The following KLHL41 variants were observed in gnomAD, a reference collection of about 807,000 sequenced individuals.
KLHL41 encodes kelch like family member 41, also known as kelch-like protein 41.
A neutral mutation model predicts 49.2 loss-of-function variants in KLHL41; 31 were observed. The ratio of observed to expected loss-of-function variants is 0.63; its 90% CI spans 0.47 to 0.85. The LOEUF is 0.85. Among genes scored for constraint, KLHL41 ranks in the 40% least tolerant of loss-of-function variants. The pLI, the probability that KLHL41 is intolerant of heterozygous loss-of-function variation, is 0.00. For synonymous variants in KLHL41, 218 were observed against 258.5 expected, an observed-to-expected ratio of 0.84 and a Z score of 1.50; for missense variants, 663 against 726.7, an observed-to-expected ratio of 0.91 and a Z score of 1.01.
At chr2:169,514,349 C>A (rs959478507) in intron 1 of KLHL41, 2 of 407,162 alleles carry the variant, frequency 4.9e-6, no homozygotes, top group Non-Finnish European at 8.6e-6. Flanking sequence ...TTTCTTGAAG[C>A]CTTGAAGATT....
In KLHL41 at chr2:169,510,190, A is replaced by G. The variant is rs768526642; in HGVS notation, c.412A>G (p.Ile138Val). 1 of 1,614,084 alleles carries G rather than the reference A, an allele frequency of 6.2e-7. No homozygotes were observed. The highest frequency in any genetic ancestry group is 1.1e-5 in the South Asian group (1 of 91,080). ...KRLAPGNCLA[I>V]LRLGLLLDCP... The stretch of plus-strand genomic sequence containing the variant: ...ACTTGCTCCTGGTAACTGTCTAGCC[A>G]TCCTAAGATTAGGACTTCTTCTTGA... Residue 138 changes from isoleucine (I) to valine (V), a missense_variant, in exon 1 of 6, where the codon ATC becomes GTC. Coordinates refer to ENST00000284669, the MANE Select transcript of KLHL41 (RefSeq NM_006063.3). This position sits in a 1 kb window ranked among gnomAD's most constrained non-coding sequence, Gnocchi z 4.2.
chr2:169,519,033 T>G (rs1353571742), intron 4 of KLHL41, among the ~76,000 whole-genome samples: 1 of 152,204 alleles, frequency 6.6e-6, no homozygotes, highest in Non-Finnish European at 1.5e-5. Context: ...ATCATTTGAT[T>G]TTAAATGTAG....
intron 3 of KLHL41, among the ~76,000 whole-genome samples, chr2:169,515,952 A>G (rs1206159829): frequency 6.6e-6 from 1 of 152,236 alleles, no homozygotes; most frequent in East Asian, 1.9e-4. Flanking sequence ...CTTGATTTCC[A>G]GTCAATTCTT....
At chr2:169,521,381 T>A (rs1684200984) in intron 5 of KLHL41, among the ~76,000 whole-genome samples, 2 of 152,050 alleles carry the variant, frequency 1.3e-5, no homozygotes, top group African/African-American at 2.4e-5. Flanking sequence ...CTAAAAAAAA[T>A]TTTATGTTTT....
At chr2:169,515,738 C>T (rs1439677861) in intron 3 of KLHL41, among the ~76,000 whole-genome samples, 1 of 151,926 alleles carries the variant, frequency 6.6e-6, no homozygotes, top group African/African-American at 2.4e-5. Flanking sequence ...GAAAGAAAAG[C>T]GTGGTGATTG....
intron 1 of KLHL41, among the ~76,000 whole-genome samples, chr2:169,511,161 T>C (rs1684025060): frequency 1.3e-5 from 2 of 152,248 alleles, no homozygotes; most frequent in South Asian, 4.1e-4. Flanking sequence ...AATGCCTTGT[T>C]TATAGATGAT....
At chr2:169,515,294 A>G (rs1281560089) in intron 3 of KLHL41, among the ~76,000 whole-genome samples, 1 of 151,762 alleles carries the variant, frequency 6.6e-6, no homozygotes, top group African/African-American at 2.4e-5. Context: ...CAGCCTCCCA[A>G]AGTGCTAGGA....
chr2:169,514,877 A>T lies in KLHL41; in HGVS notation c.1292A>T (p.Lys431Ile), dbSNP rs1423201331. 1 of 1,609,758 alleles carries T rather than the reference A, an allele frequency of 6.2e-7. No homozygotes were observed. Among genetic ancestry groups the T allele is most frequent in the African/African-American group, 1.3e-5 (1 of 74,696 alleles). Reference protein sequence around the residue: ...DPVAAKWNEVKKLPIKVYGHN... With the variant: ...DPVAAKWNEVIKLPIKVYGHN... Reference sequence around the variant, plus strand: ...AGGGCTGCAAAATGGAACGAAGTAAAAAAACTCCCTATCAAAGTCTATGGC... The same window carrying T: ...AGGGCTGCAAAATGGAACGAAGTAATAAAACTCCCTATCAAAGTCTATGGC... The change falls in exon 3 of 6, where the codon AAA becomes ATA. Residue 431 changes from lysine (K) to isoleucine (I), a missense_variant. Lys to Ile is a moderately radical substitution (Grantham distance 102). Around this residue, in one of 3 missense-constraint regions of KLHL41, gnomAD observed 528 missense variants for 581.0 expected, o/e 0.91. Transcript: ENST00000284669.
chr2:169,510,458 T>C lies in KLHL41; in HGVS notation c.680T>C (p.Met227Thr), dbSNP rs1376838518. 1.2e-6 allele frequency: 2 copies of C among 1,613,956 alleles called. No individual in the cohort carries two copies. Among genetic ancestry groups the C allele is most frequent in the African/African-American group, 2.7e-5 (2 of 74,906 alleles). Reference sequence around the variant, plus strand: ...TTTGATTGTATCCGTTTTCGCCTTATGACAGAAAAATATTTTAAGGATCAT... The same window carrying C: ...TTTGATTGTATCCGTTTTCGCCTTACGACAGAAAAATATTTTAAGGATCAT... The part of the protein sequence containing the change: ...EVFDCIRFRL[M>T]TEKYFKDHVE... The change falls in exon 1 of 6, where the codon ATG becomes ACG. Residue 227 changes from methionine to threonine, a missense_variant. Transcript: ENST00000284669. The surrounding 1 kb of genome is among the most constrained non-coding windows in gnomAD (Gnocchi z 4.2).
Position 169,514,520 on chromosome 2 carries a change from A to T in KLHL41, c.1111-54A>T. The T allele has an allele frequency of 7.4e-6, 11 of 1,478,730 alleles. No homozygotes were observed. In the Admixed American group the frequency reaches 1.0e-4, roughly 13 times the overall value. The allele number at this position is 1,478,730 out of a possible 1,614,324, so 91.6% of individuals were successfully genotyped here. On this transcript the variant is annotated intron_variant, in intron 1 of 5. Transcript: ENST00000284669. ...TATAAAGTATAACTTTTTTTGGTGT[A>T]CTTCTAATTTTTTTCTAACAGGCTC...
chr2:169,513,127 A>G (rs1684055997), intron 1 of KLHL41, among the ~76,000 whole-genome samples: 1 of 152,212 alleles, frequency 6.6e-6, no homozygotes. Flanking sequence ...GCAGTACTGT[A>G]CAGTATGAGA....
chr2:169,519,640 A>G (rs561311749), intron 4 of KLHL41, among the ~76,000 whole-genome samples: 1 of 133,920 alleles, frequency 7.5e-6, no homozygotes, highest in South Asian at 2.3e-4. Flanking sequence ...TACTTTCCAG[A>G]TTTTCTCAAA....
At chr2:169,518,153 A>C in intron 3 of KLHL41, 37 bp from the exon 4 acceptor site, 1 of 1,522,144 alleles carries the variant, frequency 6.6e-7, no homozygotes, top group Admixed American at 1.9e-5. Flanking sequence ...CTGTCAAAAA[A>C]AGGTTCTAAA....
chr2:169,510,157 C>G lies in KLHL41; in HGVS notation c.379C>G (p.Gln127Glu). Residue 127 changes from glutamine (Q) to glutamate (E), a missense_variant, in exon 1 of 6, where the codon CAG (glutamine) becomes GAG (glutamate). This residue lies in a region of KLHL41 where 528 missense variants were observed against 581.0 expected (regional missense o/e 0.91). Transcript: ENST00000284669. This position sits in a 1 kb window ranked among gnomAD's most constrained non-coding sequence, Gnocchi z 4.2. The stretch of plus-strand genomic sequence containing the variant: ...GTTTACTGTCTGCGTTTCTTATCTT[C>G]AGAAAAGACTTGCTCCTGGTAACTG... ...SVFTVCVSYL[Q>E]KRLAPGNCLA... 1 of 1,614,156 alleles carries G rather than the reference C, an allele frequency of 6.2e-7. No individual in the cohort carries two copies. The highest frequency in any genetic ancestry group is 8.5e-7 in the Non-Finnish European group (1 of 1,180,026).
At chr2:169,512,868 T>C (rs966739489) in intron 1 of KLHL41, among the ~76,000 whole-genome samples, 3 of 151,930 alleles carry the variant, frequency 2.0e-5, no homozygotes, top group African/African-American at 7.2e-5. Flanking sequence ...TGTAAATAGA[T>C]TATGAGAATT....
rs1684054364 is a variant in KLHL41 at position 169,513,040 on chromosome 2, A to G, written c.1111-1534A>G. On this transcript the variant is annotated intron_variant, in intron 1 of 5. Transcript: ENST00000284669. ...AGTTAAATAGCTTGATAGTTCCTCT[A>G]TAAAAGAGACTGGTAGGTAGTCTAC... Among the ~76,000 whole-genome samples the G allele has an allele frequency of 3.3e-5, 5 of 152,296 alleles. No homozygotes were observed. The South Asian group carries it at 8.3e-4, about 25-fold the overall frequency.
intron 5 of KLHL41, among the ~76,000 whole-genome samples, chr2:169,522,204 A>C (rs976219977): frequency 1.1e-4 from 17 of 152,294 alleles, no homozygotes; most frequent in African/African-American, 4.1e-4. Context: ...CTATACCTTA[A>C]CCAGCAGATG....
chr2:169,517,369 G>A lies in KLHL41; in HGVS notation c.1377-821G>A, dbSNP rs139708164. Among the ~76,000 whole-genome samples, 465 of 152,364 alleles carry A rather than the reference G, an allele frequency of 3.1e-3. 6 individuals are homozygous for A. Among genetic ancestry groups the A allele is most frequent in the African/African-American group, 0.011 (444 of 41,598 alleles). ...TGTAATCCCAGCACTTTGGGAGGCTGAGGCTGGAGGATCACTTGAGCTCAG... is the reference window on the plus strand; with the variant it reads ...TGTAATCCCAGCACTTTGGGAGGCTAAGGCTGGAGGATCACTTGAGCTCAG... On this transcript the variant is annotated intron_variant, in intron 3 of 5. Coordinates refer to ENST00000284669, the MANE Select transcript of KLHL41 (RefSeq NM_006063.3).
chr2:169,510,540 T>C lies in KLHL41; in HGVS notation c.762T>C (p.Val254=). 6.2e-7 allele frequency: 1 copy of C among 1,613,920 alleles called. No homozygotes were observed. The highest frequency in any genetic ancestry group is 1.1e-5 in the South Asian group (1 of 91,066). ...SNPDLQKKIK[V]LKDAFAGKLP... ...CAGACCTCCAGAAAAAAATCAAAGT[T>C]CTAAAAGATGCTTTCGCAGGCAAAC... Residue 254 remains valine, a synonymous_variant, in exon 1 of 6, where the codon GTT becomes GTC. Coordinates refer to ENST00000284669, the MANE Select transcript of KLHL41 (RefSeq NM_006063.3). This position sits in a 1 kb window ranked among gnomAD's most constrained non-coding sequence, Gnocchi z 4.2.
Sources: gnomAD v4.1 joint callset for allele counts (sites outside exome capture counted in the v4.1 genomes callset) on GRCh38, gnomAD v4.1.1 for gene constraint, gnomAD v4.1.1 regional missense constraint, Gnocchi (gnomAD v3.1) non-coding constraint, MANE v1.5 for transcripts, NCBI Gene and HGNC (gene_info 2026-07-23, HGNC 2026-07-21) for gene names.